The following TAPT1 variants were observed in gnomAD, a reference collection of about 807,000 sequenced individuals.
TAPT1 encodes the protein transmembrane anterior posterior transformation protein 1 homolog.
In TAPT1, 28 loss-of-function variants were observed where a neutral mutation model predicts 65.6. That is an observed-to-expected ratio of 0.43 (90% CI 0.32 to 0.59). The LOEUF (loss-of-function observed/expected upper bound fraction) is 0.59, where lower values mean the gene tolerates loss of function less well. TAPT1 is among the 20% of genes least tolerant of loss of function. The pLI is 0.09. For synonymous variants in TAPT1, 278 were observed against 245.2 expected (o/e 1.13, Z -1.25); for missense variants, 563 against 679.9 (o/e 0.83, Z 1.91).
intron 1 of TAPT1, among the ~76,000 whole-genome samples, chr4:16,215,776 A>C (rs937736785): frequency 2.6e-5 from 4 of 152,244 alleles, no homozygotes; most frequent in African/African-American, 4.8e-5. Context: ...AACCAAATCC[A>C]CATAGAGTAG....
At chr4:16,185,912 T>C (rs539380439) in intron 7 of TAPT1, among the ~76,000 whole-genome samples, 26 of 152,306 alleles carry the variant, frequency 1.7e-4, no homozygotes, top group Non-Finnish European at 2.2e-4. Context: ...AATGTCACCA[T>C]GGCAGAAGAG....
At chr4:16,188,723 A>T (rs1749171720) in intron 4 of TAPT1, among the ~76,000 whole-genome samples, 1 of 152,132 alleles carries the variant, frequency 6.6e-6, no homozygotes. Context: ...GATTGAGACC[A>T]TCCTGGCTAA....
At chr4:16,226,232 G>A (rs1254794144) in intron 1 of TAPT1, 27 bp downstream of exon 1, 153 of 1,107,796 alleles carry the variant, frequency 1.4e-4, no homozygotes, top group Admixed American at 5.1e-5. Context: ...CTCGGAGCCC[G>A]CCACGGCCTA....
intron 1 of TAPT1, among the ~76,000 whole-genome samples, chr4:16,216,608 G>A (rs1242011702): frequency 6.6e-6 from 1 of 152,154 alleles, no homozygotes; most frequent in East Asian, 1.9e-4. Context: ...CATACTTGCT[G>A]CCCTAGAAGC....
intron 11 of TAPT1, among the ~76,000 whole-genome samples, chr4:16,171,567 C>T (rs1747990528): frequency 6.6e-6 from 1 of 151,982 alleles, no homozygotes; most frequent in African/African-American, 2.4e-5. Context: ...TAATGGTACA[C>T]ATTTAAAAAG....
chr4:16,162,883 G>T lies in TAPT1; in HGVS notation c.*425C>A. 1 of 378,556 alleles carries T rather than the reference G, an allele frequency of 2.6e-6. No individual in the cohort carries two copies. Among genetic ancestry groups the T allele is most frequent in the South Asian group, 1.9e-5 (1 of 53,604 alleles). The allele number at this position is 378,556 out of a possible 1,614,324, so 23.4% of individuals were successfully genotyped here. A position where few individuals can be genotyped will look rare whatever the true frequency, so the allele number is the denominator to read the frequency against. ...GAAGTAACGTTTGAAAACTGTTTGT[G>T]AAAATAGTATGAGACTGGAAAGATT... On this transcript the variant is annotated 3_prime_UTR_variant, in exon 14 of 14. Coordinates refer to ENST00000405303, the MANE Select transcript of TAPT1 (RefSeq NM_153365.3).
At chr4:16,190,112 T>C (rs1560168401) in intron 4 of TAPT1, 2 of 152,120 alleles carry the variant, frequency 1.3e-5, no homozygotes, top group South Asian at 2.1e-4. Context: ...TTTTAAAACA[T>C]CTTGGTCTTG....
At chr4:16,219,006 AC>A (rs1173098515) in intron 1 of TAPT1, among the ~76,000 whole-genome samples, 1 of 152,224 alleles carries the variant, frequency 6.6e-6, no homozygotes, top group Non-Finnish European at 1.5e-5. Context: ...AATTATAAAC[AC>A]TAGTTTAGAT....
chr4:16,164,970 C>T (rs1327488539), intron 13 of TAPT1, among the ~76,000 whole-genome samples: 1 of 152,192 alleles, frequency 6.6e-6, no homozygotes, highest in Non-Finnish European at 1.5e-5. Flanking sequence ...CTCTCCTCTC[C>T]TCCCTCTTTC....
intron 3 of TAPT1, among the ~76,000 whole-genome samples, chr4:16,200,497 T>A (rs1045525318): frequency 3.9e-5 from 6 of 152,068 alleles, no homozygotes; most frequent in Non-Finnish European, 5.9e-5. Context: ...GCTAATTTTT[T>A]AAATTTTTTG....
chr4:16,194,709 C>G (rs963449142), intron 3 of TAPT1, among the ~76,000 whole-genome samples: 2 of 152,074 alleles, frequency 1.3e-5, no homozygotes, highest in Non-Finnish European at 2.9e-5. Flanking sequence ...TCACTGCTTT[C>G]TGTGCACCCC....
chr4:16,166,071 C>A (rs968914064), intron 13 of TAPT1, among the ~76,000 whole-genome samples: 4 of 152,190 alleles, frequency 2.6e-5, no homozygotes, highest in African/African-American at 9.7e-5. Flanking sequence ...GCCACTGCAG[C>A]CATCTGGCTT....
rs1343485646 is a variant in TAPT1 at position 16,163,527 on chromosome 4, T to G, written c.1485A>C (p.Thr495=). ...TGATGGAGGCAGACAGGTTTTCTTC[T>G]GTGGAAAGGCCTGTGATAAAATAGA... ...NKCKPSQGLS[T]EENLSASITK... is the part of the protein sequence containing the mutation. Residue 495 remains threonine (T), a synonymous_variant, in exon 14 of 14, where the codon ACA becomes ACC. Transcript: ENST00000405303. 1 of 1,612,436 alleles carries G rather than the reference T, an allele frequency of 6.2e-7. No homozygotes were observed. Among genetic ancestry groups the G allele is most frequent in the South Asian group, 1.1e-5 (1 of 90,952 alleles).
chr4:16,187,168 T>C (rs78955778), intron 5 of TAPT1, among the ~76,000 whole-genome samples: 58 of 152,318 alleles, frequency 3.8e-4, no homozygotes, highest in African/African-American at 1.3e-3. Context: ...CTCTGGCACT[T>C]GGCACAGTGC....
At chr4:16,216,269 C>T (rs1306430973) in intron 1 of TAPT1, 2 of 152,250 alleles carry the variant, frequency 1.3e-5, no homozygotes, top group African/African-American at 4.8e-5. Flanking sequence ...TGGTTCAGTG[C>T]TCTATTCACT....
At position 16,190,634 on chromosome 4, in the gene TAPT1, C is replaced by A; in HGVS notation, c.612+727G>T. 4 of 154,514 alleles carry A rather than the reference C, an allele frequency of 2.6e-5. 1 individual carries two copies. In the Middle Eastern group the frequency reaches 2.4e-3, roughly 92 times the overall value. The allele number at this position is 154,514 out of a possible 1,614,324, so 9.6% of individuals were successfully genotyped here. Reference sequence around the variant, plus strand: ...GGATTACAGGTGTGAGCCACCGTGCCGGCCTGCAATTTGAATTTCAAAGTT... The same window carrying A: ...GGATTACAGGTGTGAGCCACCGTGCAGGCCTGCAATTTGAATTTCAAAGTT... On this transcript the variant is annotated intron_variant, in intron 4 of 13. Coordinates refer to ENST00000405303, the MANE Select transcript of TAPT1 (RefSeq NM_153365.3).
At chr4:16,166,907 T>A (rs1318640591) in intron 12 of TAPT1, 114 bp from the exon 13 acceptor site, 8 of 1,004,770 alleles carry the variant, frequency 8.0e-6, no homozygotes, top group Non-Finnish European at 1.2e-5. Flanking sequence ...GGTGACAGAT[T>A]AGGGATTTAG....
chr4:16,209,340 A>G (rs1245226168), intron 2 of TAPT1, among the ~76,000 whole-genome samples: 1 of 152,150 alleles, frequency 6.6e-6, no homozygotes, highest in Non-Finnish European at 1.5e-5. Context: ...TATGGATCTG[A>G]TATCTCCTAA....
chr4:16,225,637 G>A (rs1357890534), intron 1 of TAPT1, among the ~76,000 whole-genome samples: 1 of 152,178 alleles, frequency 6.6e-6, no homozygotes, highest in Non-Finnish European at 1.5e-5. Flanking sequence ...GTCATTGAAT[G>A]TAGGATTCAT....
Sources: allele counts gnomAD v4.1 joint callset (sites outside exome capture counted in the v4.1 genomes callset), GRCh38; gene constraint gnomAD v4.1.1; transcripts MANE v1.5; gene names NCBI Gene and HGNC (gene_info 2026-07-23, HGNC 2026-07-21).